The following SMARCA1 variants were observed in gnomAD, a reference collection of about 807,000 sequenced individuals.
The protein encoded by SMARCA1 is SWI/SNF-related matrix-associated actin-dependent regulator of chromatin subfamily A member 1.
Under a neutral mutation model 93.6 loss-of-function variants are expected in SMARCA1, and 17 were observed. The ratio of observed to expected loss-of-function variants is 0.18; its 90% confidence interval spans 0.12 to 0.27. SMARCA1 has a LOEUF of 0.27. SMARCA1 is among the 10% of genes least tolerant of loss of function. The pLI, the probability that SMARCA1 is intolerant of heterozygous loss-of-function variation, is 1.00. For synonymous variants in SMARCA1, 271 were observed against 271.4 expected (o/e 1.00, Z 0.01); for missense variants, 630 against 819.0 (o/e 0.77, Z 2.82).
chrX:129,483,455 A>G (rs1590395), intron 17 of SMARCA1, among the ~76,000 whole-genome samples: 6,971 of 111,022 alleles, frequency 0.063, 473 homozygotes, highest in African/African-American at 0.19. Context: ...AGAAATTCCC[A>G]CAGCAATGAA....
At chrX:129,490,772 A>AT (rs1240537188) in intron 14 of SMARCA1, among the ~76,000 whole-genome samples, 1 of 110,992 alleles carries the variant, frequency 9.0e-6, no homozygotes. Context: ...GCTAGAGCAA[A>AT]TAGGTAAAGG....
chrX:129,514,188 G>C (rs1935111767), intron 5 of SMARCA1, among the ~76,000 whole-genome samples: 1 of 111,788 alleles, frequency 8.9e-6, no homozygotes, highest in Non-Finnish European at 1.9e-5. Context: ...GCGGTGGCGG[G>C]CGCCTGTAGT....
chrX:129,516,269 A>G, intron 3 of SMARCA1, 62 bp downstream of exon 3: 2 of 1,048,106 alleles, frequency 1.9e-6, no homozygotes, highest in Non-Finnish European at 2.6e-6. Context: ...GGATCAAGGG[A>G]GGACAGGAGG....
At chrX:129,452,912 G>T (rs1012315121) in intron 23 of SMARCA1, among the ~76,000 whole-genome samples, 11 of 111,977 alleles carry the variant, frequency 9.8e-5, no homozygotes, top group Non-Finnish European at 2.1e-4. Flanking sequence ...TGTGTCACAT[G>T]TTGGTAATTC....
intron 1 of SMARCA1, among the ~76,000 whole-genome samples, chrX:129,520,746 T>C (rs1935358892): frequency 8.9e-6 from 1 of 112,611 alleles, no homozygotes; most frequent in Admixed American, 9.4e-5. Flanking sequence ...ACAGTGGTTT[T>C]CAAATGAGTT....
rs773321918 is a variant in SMARCA1 at position 129,523,393 on chromosome X, G to GGGGGACAAGGCA, written c.-35_-24dup. The GGGGGACAAGGCA allele has an allele frequency of 5.2e-6, 6 of 1,144,341 alleles. No homozygotes were observed. Among genetic ancestry groups the GGGGGACAAGGCA allele is most frequent in the Non-Finnish European group, 6.9e-6 (6 of 863,361 alleles). The allele number at this position is 1,144,341 out of a possible 1,213,427, so 94.3% of individuals were successfully genotyped here. A position where few individuals can be genotyped will look rare whatever the true frequency, so the allele number is the denominator to read the frequency against. On this transcript the variant is annotated 5_prime_UTR_variant, in exon 1 of 25. Coordinates refer to ENST00000371121, the MANE Select transcript of SMARCA1 (RefSeq NM_001282874.2). ...CATGCCGTGGGAGCGGGAACGAGTA[G>GGGGGACAAGGCA]GGGGACAAGGCAGGGGACGAGGGCT...
At chrX:129,511,130 ATAT>A (rs1935004642) in intron 6 of SMARCA1, among the ~76,000 whole-genome samples, 1 of 111,713 alleles carries the variant, frequency 9.0e-6, no homozygotes, top group Admixed American at 9.6e-5. Context: ...TTTACATAAT[ATAT>A]TATTTTTAGA....
intron 23 of SMARCA1, among the ~76,000 whole-genome samples, chrX:129,459,514 A>G (rs889066576): frequency 1.9e-4 from 22 of 112,867 alleles, no homozygotes; most frequent in African/African-American, 6.8e-4. Flanking sequence ...CATTAATTGT[A>G]TTTCATGTCA....
chrX:129,465,819 A>C, intron 22 of SMARCA1, 25 bp downstream of exon 22: 6 of 1,072,746 alleles, frequency 5.6e-6, no homozygotes, highest in Non-Finnish European at 7.6e-6. Flanking sequence ...ACGATCTAAT[A>C]ATAATTTGAC....
At chrX:129,482,657 A>C (rs183111035) in intron 17 of SMARCA1, among the ~76,000 whole-genome samples, 117 of 112,545 alleles carry the variant, frequency 1.0e-3, no homozygotes, top group African/African-American at 3.5e-3. Context: ...AGATATTATT[A>C]AACATCCAAA....
chrX:129,519,770 A>G (rs1376452549), intron 1 of SMARCA1, among the ~76,000 whole-genome samples: 1 of 111,874 alleles, frequency 8.9e-6, no homozygotes, highest in East Asian at 2.8e-4. Context: ...TATAATATAA[A>G]TCATATTTAT....
At position 129,476,089 on chromosome X, in the gene SMARCA1, AT is replaced by A. The variant is rs200077791; in HGVS notation, c.2442+4611del. 8.4e-3 allele frequency among the ~76,000 whole-genome samples: 944 copies of A among 112,338 alleles called. 9 individuals carry two copies. The highest frequency in any genetic ancestry group is 0.029 in the African/African-American group (907 of 30,950). ...TCAATGGAACGTCCAGATATTCTGGATTTTTTATGCTGTAATTGAAATTTCA... is the reference window on the plus strand; with the variant it reads ...TCAATGGAACGTCCAGATATTCTGGATTTTTATGCTGTAATTGAAATTTCA... On this transcript the variant is annotated intron_variant, in intron 19 of 24. Transcript: ENST00000371121.
intron 17 of SMARCA1, among the ~76,000 whole-genome samples, chrX:129,482,607 T>C (rs1049266112): frequency 6.2e-5 from 7 of 112,073 alleles, no homozygotes; most frequent in African/African-American, 2.3e-4. Context: ...TATGATCATA[T>C]ATGTGAAAGC....
chrX:129,508,368 C>T (rs1159027637), intron 6 of SMARCA1, among the ~76,000 whole-genome samples: 1 of 111,889 alleles, frequency 8.9e-6, no homozygotes, highest in East Asian at 2.8e-4. Context: ...TAGAAAAGTT[C>T]GTATGACCAG....
In SMARCA1 at chrX:129,518,433, T is replaced by G; in HGVS notation, c.189A>C (p.Ser63=). The G allele has an allele frequency of 8.4e-7, 1 of 1,185,716 alleles. No homozygotes were observed. Residue 63 remains serine (S), a synonymous_variant, in exon 2 of 25, where the codon TCA becomes TCC. Transcript: ENST00000371121. ...GEKKKEKNVS[S]FQLKLAAKAP... ...CTTTAGCAGCAAGTTTGAGTTGAAA[T>G]GAAGAAACGTTTTTCTAGAATTTCA...
At chrX:129,488,610 TAAAAAAAAAAAA>T (rs35620990) in intron 16 of SMARCA1, among the ~76,000 whole-genome samples, 5 of 64,949 alleles carry the variant, frequency 7.7e-5, no homozygotes, top group African/African-American at 3.0e-4. Context: ...CCTGTCTCTT[TAAAAAAAAAAAA>T]AAAAAAAAAA....
At chrX:129,473,622 A>G (rs935241137) in intron 19 of SMARCA1, among the ~76,000 whole-genome samples, 5 of 112,507 alleles carry the variant, frequency 4.4e-5, no homozygotes, top group African/African-American at 1.6e-4. Flanking sequence ...GTGTTCCACA[A>G]TCAAAAGGAA....
At position 129,447,178 on chromosome X, in the gene SMARCA1, T is replaced by C. The variant is rs1313864070; in HGVS notation, c.3197A>G (p.Lys1066Arg). The change falls in exon 25 of 25, where the codon AAG (lysine) becomes AGG (arginine). Residue 1066 changes from lysine (K) to arginine (R), a missense_variant. Coordinates refer to ENST00000371121, the MANE Select transcript of SMARCA1 (RefSeq NM_001282874.2). ...TTCTAGGCTTTAGGATTTCACCTTC[T>C]TGACATCCTTCTTTCCAGAGCTCTC... ...ATESSGKKDV[K>R]KVKS 8.7e-7 allele frequency: 1 copy of C among 1,146,883 alleles called. No homozygotes were observed. The highest frequency in any genetic ancestry group is 1.2e-6 in the Non-Finnish European group (1 of 867,077). The allele number at this position is 1,146,883 out of a possible 1,213,427, so 94.5% of individuals were successfully genotyped here.
At chrX:129,500,863 C>A (rs1298158973) in intron 9 of SMARCA1, among the ~76,000 whole-genome samples, 1 of 111,129 alleles carries the variant, frequency 9.0e-6, no homozygotes, top group Non-Finnish European at 1.9e-5. Context: ...CGCTGTTATG[C>A]CAGTGCATGA....
Sources: allele counts gnomAD v4.1 joint callset (sites outside exome capture counted in the v4.1 genomes callset), GRCh38; gene constraint gnomAD v4.1.1; transcripts MANE v1.5; gene names NCBI Gene and HGNC (gene_info 2026-07-23, HGNC 2026-07-21).